The following LRRTM4 variants were observed in gnomAD, a reference collection of about 807,000 sequenced individuals.
LRRTM4 encodes leucine rich repeat transmembrane neuronal 4.
In LRRTM4, 25 loss-of-function variants were observed where a neutral mutation model predicts 47.6. The ratio of observed to expected loss-of-function variants is 0.53; its 90% confidence interval spans 0.38 to 0.73. The LOEUF (loss-of-function observed/expected upper bound fraction) is 0.73, where lower values mean the gene tolerates loss of function less well. Ranked by LOEUF, LRRTM4 falls within the 30% of genes least tolerant of loss-of-function variation. The pLI is 0.00. For missense variants in LRRTM4, 638 were observed against 713.4 expected, an observed-to-expected ratio of 0.89 and a Z score of 1.20; for synonymous variants, 311 against 269.5, an observed-to-expected ratio of 1.15 and a Z score of -1.51.
chr2:76,993,311 C>G (rs1372855933), intron 3 of LRRTM4, among the ~76,000 whole-genome samples: 3 of 151,384 alleles, frequency 2.0e-5, no homozygotes, highest in Admixed American at 6.6e-5. Flanking sequence ...ATAAAAAAAG[C>G]TATCAGTAAA....
intron 3 of LRRTM4, among the ~76,000 whole-genome samples, chr2:77,165,733 G>C (rs1433801850): frequency 6.6e-6 from 1 of 152,202 alleles, no homozygotes; most frequent in Non-Finnish European, 1.5e-5. Context: ...AATAGATGCA[G>C]AAAAGGCCTT....
intron 3 of LRRTM4, among the ~76,000 whole-genome samples, chr2:77,496,813 G>A (rs138777225): frequency 1.3e-5 from 2 of 151,520 alleles, no homozygotes; most frequent in Non-Finnish European, 3.0e-5. Flanking sequence ...GAATGAGTTG[G>A]AACGTGTTTC....
intron 3 of LRRTM4, among the ~76,000 whole-genome samples, chr2:77,151,118 T>C (rs887949162): frequency 2.7e-4 from 34 of 127,378 alleles, no homozygotes; most frequent in African/African-American, 1.1e-3. Flanking sequence ...CGTCCGTGTA[T>C]GTGTGTGTGT....
chr2:76,994,143 A>G (rs144756011), intron 3 of LRRTM4, among the ~76,000 whole-genome samples: 13 of 151,934 alleles, frequency 8.6e-5, no homozygotes, highest in Non-Finnish European at 1.0e-4. Context: ...AAATAACTGA[A>G]AAACTACCTA....
At chr2:76,765,597 T>C (rs571218972) in intron 3 of LRRTM4, among the ~76,000 whole-genome samples, 2 of 152,320 alleles carry the variant, frequency 1.3e-5, no homozygotes, top group East Asian at 3.9e-4. Context: ...CCTTTTTCTC[T>C]TTCCCCATGT....
intron 3 of LRRTM4, among the ~76,000 whole-genome samples, chr2:77,079,484 A>G (rs56004848): frequency 0.15 from 23,564 of 152,112 alleles, 1,878 homozygotes; most frequent in East Asian, 0.22. Flanking sequence ...ATGCAGCACA[A>G]CACAAACGTA....
intron 3 of LRRTM4, among the ~76,000 whole-genome samples, chr2:77,458,952 C>G (rs975750123): frequency 6.6e-6 from 1 of 151,670 alleles, no homozygotes; most frequent in Non-Finnish European, 1.5e-5. Flanking sequence ...GAAATCATGC[C>G]CTTTGTTTCT....
chr2:76,905,422 A>T (rs182709386), intron 3 of LRRTM4, among the ~76,000 whole-genome samples: 1 of 152,298 alleles, frequency 6.6e-6, no homozygotes, highest in African/African-American at 2.4e-5. Flanking sequence ...GAAATACTGG[A>T]AACTCTAAAA....
At chr2:77,158,786 G>A (rs938776475) in intron 3 of LRRTM4, among the ~76,000 whole-genome samples, 40 of 145,986 alleles carry the variant, frequency 2.7e-4, no homozygotes, top group Admixed American at 1.0e-3. Flanking sequence ...TGCTTTTTTC[G>A]TTTTTTTTTC....
At chr2:77,093,698 G>C (rs531790368) in intron 3 of LRRTM4, among the ~76,000 whole-genome samples, 4 of 151,918 alleles carry the variant, frequency 2.6e-5, no homozygotes, top group African/African-American at 7.3e-5. Flanking sequence ...CCAAGCCATC[G>C]CATCCCCTGT....
intron 3 of LRRTM4, among the ~76,000 whole-genome samples, chr2:77,279,252 G>A (rs902580304): frequency 6.6e-6 from 1 of 151,898 alleles, no homozygotes; most frequent in Non-Finnish European, 1.5e-5. Context: ...TACATATTAA[G>A]TCTTATCAGG....
At chr2:76,805,057 C>A (rs1378459247) in intron 3 of LRRTM4, among the ~76,000 whole-genome samples, 1 of 151,988 alleles carries the variant, frequency 6.6e-6, no homozygotes, top group Non-Finnish European at 1.5e-5. Flanking sequence ...CTGACAAAGC[C>A]CGTTCTTCTC....
intron 3 of LRRTM4, among the ~76,000 whole-genome samples, chr2:77,485,639 G>C (rs938442086): frequency 1.3e-5 from 2 of 152,170 alleles, no homozygotes; most frequent in African/African-American, 4.8e-5. Flanking sequence ...TTGTGATATG[G>C]ATTTGTTCTT....
At position 77,266,727 on chromosome 2, in the gene LRRTM4, G is replaced by A. The variant is rs114329421; in HGVS notation, c.1551+251591C>T. Among the ~76,000 whole-genome samples, 1,269 of 152,122 alleles carry A rather than the reference G, an allele frequency of 8.3e-3. 14 individuals are homozygous for A. The highest frequency in any genetic ancestry group is 0.028 in the African/African-American group (1,166 of 41,496). On this transcript the variant is annotated intron_variant, in intron 3 of 3. Coordinates refer to ENST00000409884, the MANE Select transcript of LRRTM4 (RefSeq NM_001134745.3). ...GTGTTTCTGACTGCAGGAAGCAGGA[G>A]GACAGTTCTGCAAATCAACAGAACT...
intron 3 of LRRTM4, among the ~76,000 whole-genome samples, chr2:77,275,056 T>C (rs1676305599): frequency 6.6e-6 from 1 of 152,082 alleles, no homozygotes; most frequent in Non-Finnish European, 1.5e-5. Context: ...AGTTTAACTC[T>C]TAAAAAAAAG....
intron 3 of LRRTM4, among the ~76,000 whole-genome samples, chr2:77,401,404 T>C (rs1049429484): frequency 3.3e-5 from 5 of 151,994 alleles, no homozygotes; most frequent in African/African-American, 1.2e-4. Flanking sequence ...ATCCCTGTTT[T>C]CTTTTTTCTC....
intron 3 of LRRTM4, among the ~76,000 whole-genome samples, chr2:77,215,514 T>A (rs1281420648): frequency 6.6e-6 from 1 of 152,196 alleles, no homozygotes; most frequent in Non-Finnish European, 1.5e-5. Context: ...AATTATGACC[T>A]ATTTTTTTTT....
intron 3 of LRRTM4, among the ~76,000 whole-genome samples, chr2:77,482,949 T>C (rs1328051287): frequency 6.6e-6 from 1 of 151,418 alleles, no homozygotes; most frequent in Non-Finnish European, 1.5e-5. Flanking sequence ...GGTAAAACCC[T>C]GTCTCTACTA....
chr2:76,859,763 A>G (rs2104003452), intron 3 of LRRTM4, among the ~76,000 whole-genome samples: 1 of 152,226 alleles, frequency 6.6e-6, no homozygotes, highest in Non-Finnish European at 1.5e-5. Flanking sequence ...TTTGTTATGT[A>G]TTTGAAAAAT....
Sources: gnomAD v4.1 joint callset for allele counts (sites outside exome capture counted in the v4.1 genomes callset) on GRCh38, gnomAD v4.1.1 for gene constraint, MANE v1.5 for transcripts, NCBI Gene and HGNC (gene_info 2026-07-23, HGNC 2026-07-21) for gene names.